Variants in PDE4DIP observed in about 807,000 individuals in gnomAD.
The protein encoded by PDE4DIP is phosphodiesterase 4D interacting protein.
PDE4DIP carries 59 observed loss-of-function variants against 221.4 expected under a neutral mutation model. The ratio of observed to expected loss-of-function variants is 0.27; its 90% CI spans 0.22 to 0.33. The LOEUF (loss-of-function observed/expected upper bound fraction) is 0.33. PDE4DIP is among the 10% of genes least tolerant of loss of function. PDE4DIP has a pLI of 1.00. For synonymous variants in PDE4DIP, 404 were observed against 815.9 expected (o/e 0.50, Z 8.60); for missense variants, 1,036 against 2,154.2 (o/e 0.48, Z 10.28).
At chr1:149,011,077 T>A (rs1454273471) in intron 31 of PDE4DIP, among the ~76,000 whole-genome samples, 1 of 152,126 alleles carries the variant, frequency 6.6e-6, no homozygotes, top group African/African-American at 2.4e-5. Flanking sequence ...CATTAATGGA[T>A]GTATGAATGG....
intron 1 of PDE4DIP, among the ~76,000 whole-genome samples, chr1:148,920,172 G>C (rs2045237206): frequency 6.9e-6 from 1 of 145,228 alleles, no homozygotes; most frequent in African/African-American, 2.7e-5. Context: ...TCTCACTCTT[G>C]CCCAGGCTGG....
In PDE4DIP at chr1:148,824,279, G is replaced by A. The variant is rs1325284562; in HGVS notation, c.233+15542G>A. On this transcript the variant is annotated intron_variant, in intron 1 of 45. Transcript: ENST00000524974. ...GGTCCGTTTTCAGACTCACGCACACGGTATTTGGCAGGCTTTAGTTCCTGT... is the reference window on the plus strand; with the variant it reads ...GGTCCGTTTTCAGACTCACGCACACAGTATTTGGCAGGCTTTAGTTCCTGT... Among the ~76,000 whole-genome samples the A allele has an allele frequency of 1.7e-3, 257 of 149,392 alleles. 11 individuals are homozygous for A. The highest frequency in any genetic ancestry group is 3.0e-3 in the Non-Finnish European group (203 of 67,276).
intron 17 of PDE4DIP, among the ~76,000 whole-genome samples, chr1:148,975,087 C>CTTGAACCCGGGAGGCAGAGG (rs1553536197): frequency 2.1e-5 from 3 of 144,222 alleles, no homozygotes; most frequent in African/African-American, 7.6e-5. Context: ...AGGAGAATCA[C>CTTGAACCCGGGAGGCAGAGG]TTGAACCCGG....
At chr1:148,903,191 C>T (rs1553447942) in intron 1 of PDE4DIP, among the ~76,000 whole-genome samples, 1 of 134,752 alleles carries the variant, frequency 7.4e-6, no homozygotes. Context: ...TGTTTGTTGG[C>T]CATCTGTATA....
At chr1:148,818,497 A>G (rs12117675) in intron 1 of PDE4DIP, among the ~76,000 whole-genome samples, 868 of 38,206 alleles carry the variant, frequency 0.023, 9 homozygotes, top group South Asian at 0.043. Flanking sequence ...TACTCTAGCC[A>G]ATATCCTGTT....
chr1:148,998,453 A>G (rs1254772249), intron 23 of PDE4DIP, 78 bp downstream of exon 26: 3 of 632,912 alleles, frequency 4.7e-6, no homozygotes, highest in Non-Finnish European at 8.7e-6. Context: ...CCCAGGCTCC[A>G]TGCATTAATA....
At chr1:148,976,062 C>G in intron 17 of PDE4DIP, among the ~76,000 whole-genome samples, 1 of 150,936 alleles carries the variant, frequency 6.6e-6, no homozygotes, top group Non-Finnish European at 1.5e-5. Flanking sequence ...GTGGTTCTAC[C>G]TTAGCCATTA....
At chr1:149,029,340 G>A (rs2076051102) in intron 41 of PDE4DIP, among the ~76,000 whole-genome samples, 1 of 152,156 alleles carries the variant, frequency 6.6e-6, no homozygotes, top group African/African-American at 2.4e-5. Context: ...CTAATTCCAG[G>A]GAGAGGGTGT....
intron 25 of PDE4DIP, 82 bp from the exon 29 acceptor site, chr1:149,003,529 A>G (rs2066195883): frequency 1.1e-6 from 1 of 947,774 alleles, no homozygotes; most frequent in Admixed American, 2.2e-5. Context: ...CCGTGCCTCA[A>G]AAGGTTAGGG....
intron 5 of PDE4DIP, chr1:148,938,570 G>T (rs587765760): frequency 4.6e-5 from 7 of 152,246 alleles, no homozygotes; most frequent in African/African-American, 9.6e-5. Context: ...TGTTTTAGGG[G>T]TTTTTTTGAG....
At chr1:148,973,216 G>C (rs1312138779) in intron 16 of PDE4DIP, among the ~76,000 whole-genome samples, 1 of 151,014 alleles carries the variant, frequency 6.6e-6, no homozygotes, top group Non-Finnish European at 1.5e-5. Flanking sequence ...CTGTCACCCA[G>C]GTGGGAGTGC....
chr1:148,967,303 T>C (rs1222393724), intron 12 of PDE4DIP, among the ~76,000 whole-genome samples: 1 of 152,184 alleles, frequency 6.6e-6, no homozygotes, highest in Non-Finnish European at 1.5e-5. Context: ...TTACTTTTAC[T>C]GAAGCATTAC....
chr1:149,031,853 G>A lies in PDE4DIP; in HGVS notation c.7000-91G>A. ...GGCTCTCACCGTGCTCCTGGCTTTG[G>A]TCACCACGTAGCTCTCACTCCAGCT... On this transcript the variant is annotated intron_variant, in intron 43 of 43. Coordinates refer to ENST00000369354, the Ensembl canonical transcript of PDE4DIP. 2.4e-6 allele frequency: 3 copies of A among 1,265,376 alleles called. No individual in the cohort carries two copies. The South Asian group carries it at 3.7e-5, about 16-fold the overall frequency. The allele number at this position is 1,265,376 out of a possible 1,614,324, so 78.4% of individuals were successfully genotyped here.
intron 1 of PDE4DIP, among the ~76,000 whole-genome samples, chr1:148,920,062 T>C (rs1214168349): frequency 6.7e-6 from 1 of 149,312 alleles, no homozygotes; most frequent in Non-Finnish European, 1.5e-5. Context: ...TACTTTCTTG[T>C]CGACTTTATC....
chr1:149,019,480 T>A (rs2071888812), intron 35 of PDE4DIP: 1 of 151,974 alleles, frequency 6.6e-6, no homozygotes, highest in Non-Finnish European at 1.5e-5. Flanking sequence ...ATTAATTGAT[T>A]TCTGTATTAG....
chr1:148,999,464 G>A (rs2065099585), intron 23 of PDE4DIP, among the ~76,000 whole-genome samples: 1 of 152,192 alleles, frequency 6.6e-6, no homozygotes, highest in East Asian at 1.9e-4. Context: ...AAAGTTTCAA[G>A]TGACTTGCTC....
rs1358171506 is a variant in PDE4DIP at position 148,971,432 on chromosome 1, TA to T, written c.1981-740del. Among the ~76,000 whole-genome samples the T allele has an allele frequency of 7.4e-5, 11 of 149,140 alleles. 1 individual carries two copies. In the East Asian group the frequency reaches 1.4e-3, roughly 18 times the overall value. On this transcript the variant is annotated intron_variant, in intron 14 of 43. Coordinates refer to ENST00000369354, the Ensembl canonical transcript of PDE4DIP. Reference sequence around the variant, plus strand: ...AGATAGAGAAGAGATTGCTGGGTTTTAAAAAAAATTTTTTCCCAGCTTTATT... The same window carrying T: ...AGATAGAGAAGAGATTGCTGGGTTTTAAAAAAATTTTTTCCCAGCTTTATT...
chr1:148,968,951 G>A (rs587658965), exon 14 of PDE4DIP: 23 of 1,612,392 alleles, frequency 1.4e-5, no homozygotes, highest in African/African-American at 4.0e-5. Context: ...CTAAGTGATC[G>A]AAATAAACAA....
intron 32 of PDE4DIP, among the ~76,000 whole-genome samples, chr1:149,014,612 T>C (rs1575402233): frequency 1.0e-5 from 1 of 98,740 alleles, no homozygotes; most frequent in South Asian, 4.4e-4. Context: ...TTACATCAAG[T>C]CTGAGGCCAT....
Sources: allele counts gnomAD v4.1 joint callset (sites outside exome capture counted in the v4.1 genomes callset), GRCh38; gene constraint gnomAD v4.1.1; transcripts MANE v1.5; gene names NCBI Gene and HGNC (gene_info 2026-07-23, HGNC 2026-07-21).